The following SCN2A variants were observed in gnomAD, a reference collection of about 807,000 sequenced individuals.
The protein encoded by SCN2A is sodium voltage-gated channel alpha subunit 2.
A neutral mutation model predicts 188.7 loss-of-function variants in SCN2A; 20 were observed. That is an observed-to-expected ratio of 0.11 (90% CI 0.07 to 0.15). The LOEUF (loss-of-function observed/expected upper bound fraction) is 0.15. Ranked by LOEUF, SCN2A falls within the 10% of genes least tolerant of loss-of-function variation. The pLI, the probability that SCN2A is intolerant of heterozygous loss-of-function variation, is 1.00. For missense variants in SCN2A, 1,278 were observed against 2,445.0 expected, an observed-to-expected ratio of 0.52 and a Z score of 10.07; for synonymous variants, 804 against 833.1, an observed-to-expected ratio of 0.97 and a Z score of 0.60.
At chr2:165,304,329 A>T (rs551601250) in intron 3 of SCN2A, among the ~76,000 whole-genome samples, 1 of 152,312 alleles carries the variant, frequency 6.6e-6, no homozygotes, top group African/African-American at 2.4e-5. Context: ...TCCTAACCTC[A>T]AGTGATCTGC....
intron 15 of SCN2A, among the ~76,000 whole-genome samples, chr2:165,342,734 C>T (rs1699380615): frequency 6.6e-6 from 1 of 152,188 alleles, no homozygotes. Context: ...CACAGATAAA[C>T]TCGAATCACA....
At chr2:165,347,440 C>G in intron 16 of SCN2A, among the ~76,000 whole-genome samples, 1 of 149,680 alleles carries the variant, frequency 6.7e-6, no homozygotes, top group South Asian at 2.1e-4. Context: ...TGAGGCCTGT[C>G]GAGGGGTGGG....
At chr2:165,291,564 C>T (rs1168039081) in intron 1 of SCN2A, among the ~76,000 whole-genome samples, 1 of 79,238 alleles carries the variant, frequency 1.3e-5, no homozygotes, top group African/African-American at 3.7e-5. Context: ...TTCCTTCCTT[C>T]CTTCCTTCCT....
intron 14 of SCN2A, among the ~76,000 whole-genome samples, chr2:165,335,258 G>A (rs1091366): frequency 0.99 from 150,260 of 151,684 alleles, 74,439 homozygotes; most frequent in Middle Eastern, 1. Flanking sequence ...TAAATTGACT[G>A]TAAATTTTAT....
At chr2:165,308,637 T>C (rs774237597) in intron 4 of SCN2A, 29 bp from the exon 5 acceptor site, 24 of 1,607,182 alleles carry the variant, frequency 1.5e-5, no homozygotes, top group Non-Finnish European at 2.0e-5. Context: ...CACTAGATTT[T>C]TAATGTGAGC....
At chr2:165,376,332 A>G (rs1024707489) in intron 22 of SCN2A, among the ~76,000 whole-genome samples, 2 of 151,958 alleles carry the variant, frequency 1.3e-5, no homozygotes, top group Non-Finnish European at 2.9e-5. Flanking sequence ...CAATTAAAAA[A>G]TGAATATATT....
intron 1 of SCN2A, among the ~76,000 whole-genome samples, chr2:165,254,983 C>T (rs528810833): frequency 6.6e-6 from 1 of 151,710 alleles, no homozygotes; most frequent in African/African-American, 2.4e-5. Context: ...TATTTTTGTC[C>T]ATTTTTTATT....
chr2:165,352,411 C>T (rs1260884524), intron 16 of SCN2A, among the ~76,000 whole-genome samples: 1 of 152,036 alleles, frequency 6.6e-6, no homozygotes, highest in African/African-American at 2.4e-5. Flanking sequence ...GACTAACTTA[C>T]AACTAATTAG....
chr2:165,293,810 G>T (rs1372151853), intron 1 of SCN2A: 17 of 982,924 alleles, frequency 1.7e-5, no homozygotes, highest in African/African-American at 3.5e-5. Flanking sequence ...TGGAAGATCA[G>T]TTCCACAACT....
intron 13 of SCN2A, chr2:165,328,574 G>A (rs905582832): frequency 2.1e-5 from 19 of 891,646 alleles, no homozygotes; most frequent in Non-Finnish European, 2.6e-5. Flanking sequence ...TTGCACTTCT[G>A]ATAGCATTAA....
intron 3 of SCN2A, among the ~76,000 whole-genome samples, chr2:165,302,937 T>A (rs73023755): frequency 1.3e-5 from 2 of 152,202 alleles, no homozygotes; most frequent in African/African-American, 2.4e-5. Context: ...GTTTACCCAC[T>A]GTTATGTATA....
At chr2:165,277,385 C>T (rs926774636) in intron 1 of SCN2A, among the ~76,000 whole-genome samples, 1 of 152,026 alleles carries the variant, frequency 6.6e-6, no homozygotes, top group African/African-American at 2.4e-5. Context: ...AGCTCCAAAC[C>T]AAAAGTGGTT....
chr2:165,334,793 A>G (rs1051529743), intron 14 of SCN2A, among the ~76,000 whole-genome samples: 1 of 151,734 alleles, frequency 6.6e-6, no homozygotes, highest in Non-Finnish European at 1.5e-5. Flanking sequence ...AAAGAAATTA[A>G]TGGCATCTAG....
At chr2:165,328,504 T>C (rs1698487274) in intron 13 of SCN2A, 1 of 985,726 alleles carries the variant, frequency 1.0e-6, no homozygotes, top group Admixed American at 6.2e-5. Context: ...GCAGCATGTC[T>C]GCTCCCTAAA....
chr2:165,291,500 T>TC (rs1161123229), intron 1 of SCN2A, among the ~76,000 whole-genome samples: 12 of 125,438 alleles, frequency 9.6e-5, no homozygotes, highest in Non-Finnish European at 1.2e-4. Flanking sequence ...CTTTTCTTTC[T>TC]TTCTTTCTTT....
intron 24 of SCN2A, 133 bp downstream of exon 24, chr2:165,380,862 TC>T (rs1426097694): frequency 2.4e-6 from 2 of 817,110 alleles, no homozygotes; most frequent in Admixed American, 5.4e-5. Context: ...CATTTGATAA[TC>T]GATAAGCTTT....
rs369128399 is a variant in SCN2A at position 165,354,405 on chromosome 2, C to G, written c.3133C>G (p.Leu1045Val). ...ALDEIKPLED[L>V]NNKKDSCISN... ...AGATGAAATTAAACCGCTTGAAGAT[C>G]TAAATAATAAAAAAGACAGCTGTAT... The change falls in exon 17 of 27, where the codon CTA (leucine) becomes GTA (valine). Residue 1045 changes from leucine (L) to valine (V), a missense_variant. Leu to Val is a conservative substitution (Grantham distance 32). Transcript: ENST00000375437. 1.9e-6 allele frequency: 3 copies of G among 1,613,926 alleles called. No homozygotes were observed. The highest frequency in any genetic ancestry group is 2.5e-6 in the Non-Finnish European group (3 of 1,179,914).
rs1409575197 is a variant in SCN2A at position 165,295,880 on chromosome 2, G to T, written c.57G>T (p.Arg19Ser). 1 of 1,614,124 alleles carries T rather than the reference G, an allele frequency of 6.2e-7. No individual in the cohort carries two copies. The highest frequency in any genetic ancestry group is 1.7e-5 in the Admixed American group (1 of 59,990). ...CTGACAGCTTCCGCTTCTTTACCAG[G>T]GAATCCCTTGCTGCTATTGAACAAC... The part of the protein sequence containing the change: ...PGPDSFRFFT[R>S]ESLAAIEQRI... Residue 19 changes from arginine (R) to serine (S), a missense_variant, in exon 2 of 27, where the codon AGG (arginine) becomes AGT (serine). Transcript: ENST00000375437.
intron 1 of SCN2A, among the ~76,000 whole-genome samples, chr2:165,256,160 C>T (rs1270091942): frequency 6.6e-6 from 1 of 151,894 alleles, no homozygotes; most frequent in African/African-American, 2.4e-5. Flanking sequence ...CACCTGCCCC[C>T]ACGGCCGACT....
Sources: gnomAD v4.1 joint callset for allele counts (sites outside exome capture counted in the v4.1 genomes callset) on GRCh38, gnomAD v4.1.1 for gene constraint, MANE v1.5 for transcripts, NCBI Gene and HGNC (gene_info 2026-07-23, HGNC 2026-07-21) for gene names.